The following SPOCK1 variants were observed in gnomAD, a reference collection of about 807,000 sequenced individuals.
SPOCK1 encodes testican-1.
A neutral mutation model predicts 55.3 loss-of-function variants in SPOCK1; 23 were observed. The ratio of observed to expected loss-of-function variants is 0.42; its 90% CI spans 0.30 to 0.59. SPOCK1 has a LOEUF of 0.59. Among genes scored for constraint, SPOCK1 ranks in the 20% least tolerant of loss-of-function variants. The probability of loss-of-function intolerance (pLI) is 0.22; values close to 1 mark genes in which losing one functional copy is unlikely to be tolerated. For missense variants in SPOCK1, 499 were observed against 552.5 expected (o/e 0.90, Z 0.97); for synonymous variants, 226 against 221.0 (o/e 1.02, Z -0.20).
chr5:137,458,994 A>C (rs1753423745), intron 2 of SPOCK1, among the ~76,000 whole-genome samples: 1 of 152,192 alleles, frequency 6.6e-6, no homozygotes, highest in South Asian at 2.1e-4. Context: ...GTCTGTCTGT[A>C]TCTTACCATT....
rs1378598004 is a variant in SPOCK1 at position 137,105,592 on chromosome 5, C to G, written c.474+6843G>C. Among the ~76,000 whole-genome samples, 3 of 152,082 alleles carry G rather than the reference C, an allele frequency of 2.0e-5. No individual in the cohort carries two copies. In the East Asian group the frequency reaches 5.8e-4, roughly 29 times the overall value. On this transcript the variant is annotated intron_variant, in intron 5 of 10. Transcript: ENST00000394945. ...TGTCGGCCAATACAGACTCTACTTG[C>G]CAAGAACTTCAAACATGACCTTTAC...
At chr5:137,112,968 C>G in intron 4 of SPOCK1, among the ~76,000 whole-genome samples, 1 of 152,170 alleles carries the variant, frequency 6.6e-6, no homozygotes, top group Admixed American at 6.5e-5. Context: ...TCACAGGCAG[C>G]CTTTTGTGTG....
chr5:137,436,213 G>A (rs2149830585), intron 2 of SPOCK1, among the ~76,000 whole-genome samples: 1 of 152,176 alleles, frequency 6.6e-6, no homozygotes, highest in East Asian at 1.9e-4. Flanking sequence ...TTCCTCCAGT[G>A]ATATTTTGTT....
chr5:137,192,974 G>C (rs182213591), intron 3 of SPOCK1, among the ~76,000 whole-genome samples: 2 of 152,192 alleles, frequency 1.3e-5, no homozygotes, highest in Non-Finnish European at 2.9e-5. Context: ...AGATATACTA[G>C]GGTCCTCACT....
intron 2 of SPOCK1, among the ~76,000 whole-genome samples, chr5:137,428,134 T>A (rs1342803389): frequency 6.6e-6 from 1 of 152,148 alleles, no homozygotes; most frequent in Non-Finnish European, 1.5e-5. Flanking sequence ...GGGGCCACTG[T>A]AGACATACCA....
At chr5:137,345,235 T>C (rs1395876408) in intron 2 of SPOCK1, among the ~76,000 whole-genome samples, 2 of 152,350 alleles carry the variant, frequency 1.3e-5, no homozygotes, top group South Asian at 2.1e-4. Context: ...TAGCCTCATT[T>C]TAGCAAAGAA....
At chr5:137,103,381 G>A (rs1753307941) in intron 5 of SPOCK1, among the ~76,000 whole-genome samples, 2 of 152,234 alleles carry the variant, frequency 1.3e-5, no homozygotes, top group Non-Finnish European at 2.9e-5. Context: ...GAAGCTTGCA[G>A]TGGCCTTATG....
chr5:137,497,226 C>CG (rs1439070944), intron 2 of SPOCK1, among the ~76,000 whole-genome samples: 1 of 152,052 alleles, frequency 6.6e-6, no homozygotes, highest in Non-Finnish European at 1.5e-5. Flanking sequence ...AAACCATGCC[C>CG]GGGGACATTA....
intron 8 of SPOCK1, among the ~76,000 whole-genome samples, chr5:136,987,422 C>T (rs148275149): frequency 6.6e-6 from 1 of 152,146 alleles, no homozygotes; most frequent in Non-Finnish European, 1.5e-5. Context: ...TTCAACCTAA[C>T]TCATAAATCA....
At chr5:137,207,303 C>T (rs1755536352) in intron 3 of SPOCK1, among the ~76,000 whole-genome samples, 1 of 152,194 alleles carries the variant, frequency 6.6e-6, no homozygotes, top group African/African-American at 2.4e-5. Context: ...CAGCAGGGAG[C>T]CTTTTCAGTG....
At chr5:137,067,465 C>T (rs527873982) in intron 6 of SPOCK1, among the ~76,000 whole-genome samples, 7 of 152,162 alleles carry the variant, frequency 4.6e-5, no homozygotes, top group African/African-American at 1.7e-4. Flanking sequence ...CACACCATAG[C>T]GAATATGACC....
At chr5:137,119,794 T>G (rs1263062859) in intron 4 of SPOCK1, among the ~76,000 whole-genome samples, 2 of 152,214 alleles carry the variant, frequency 1.3e-5, no homozygotes, top group Non-Finnish European at 2.9e-5. Flanking sequence ...CTGAGCTGCC[T>G]TATAAGCGGC....
chr5:137,367,449 C>T (rs528934573), intron 2 of SPOCK1, among the ~76,000 whole-genome samples: 6 of 152,154 alleles, frequency 3.9e-5, no homozygotes, highest in African/African-American at 1.4e-4. Flanking sequence ...GGTTCAAGGC[C>T]CCAGACAAGG....
chr5:137,119,970 G>T (rs1352278286), intron 4 of SPOCK1, among the ~76,000 whole-genome samples: 1 of 152,190 alleles, frequency 6.6e-6, no homozygotes, highest in African/African-American at 2.4e-5. Flanking sequence ...AAGAGCAAGA[G>T]AATCTGTTAG....
rs147341944 is a variant in SPOCK1, at chr5:137,066,440, G to A, written c.589+1275C>T. The stretch of plus-strand genomic sequence containing the variant: ...AGGTGTGAGCCACCACACCCGGCTG[G>A]CAACATGGCAATGTCTAGCCTCAGA... On this transcript the variant is annotated intron_variant, in intron 6 of 10. Coordinates refer to ENST00000394945, the MANE Select transcript of SPOCK1 (RefSeq NM_004598.4). Among the ~76,000 whole-genome samples, 113 of 152,190 alleles carry A rather than the reference G, an allele frequency of 7.4e-4. No individual in the cohort carries two copies. In the East Asian group the frequency reaches 0.022, roughly 29 times the overall value.
chr5:137,020,245 A>G (rs545075745), intron 6 of SPOCK1, among the ~76,000 whole-genome samples: 1 of 152,030 alleles, frequency 6.6e-6, no homozygotes, highest in African/African-American at 2.4e-5. Context: ...GACAAAAAGG[A>G]TAAAGAAATA....
At chr5:137,199,120 A>G (rs1432825346) in intron 3 of SPOCK1, among the ~76,000 whole-genome samples, 2 of 152,164 alleles carry the variant, frequency 1.3e-5, no homozygotes, top group African/African-American at 4.8e-5. Context: ...TAAGGAGGAA[A>G]AATTCATCTT....
intron 6 of SPOCK1, among the ~76,000 whole-genome samples, chr5:137,062,898 GA>G (rs1234312600): frequency 3.9e-5 from 6 of 152,178 alleles, no homozygotes; most frequent in African/African-American, 1.4e-4. Flanking sequence ...ATAAGGCAAT[GA>G]AGTCACCTGC....
intron 6 of SPOCK1, among the ~76,000 whole-genome samples, chr5:137,031,908 A>G (rs1751786423): frequency 6.6e-6 from 1 of 151,638 alleles, no homozygotes; most frequent in Non-Finnish European, 1.5e-5. Flanking sequence ...GGAGTTTACA[A>G]TATAGATACA....
Sources: gnomAD v4.1 joint callset for allele counts (sites outside exome capture counted in the v4.1 genomes callset) on GRCh38, gnomAD v4.1.1 for gene constraint, MANE v1.5 for transcripts, NCBI Gene and HGNC (gene_info 2026-07-23, HGNC 2026-07-21) for gene names.